IQCM: variants seen among roughly 807,000 people sequenced by gnomAD.
IQCM encodes IQ domain-containing protein M.
In IQCM, 45 loss-of-function variants were observed where a neutral mutation model predicts 57.6. The observed-to-expected ratio is 0.78, with a 90% confidence interval of 0.62 to 1.00. The LOEUF is 1.00. Ranked by LOEUF, IQCM falls within the 50% of genes least tolerant of loss-of-function variation. IQCM has a pLI of 0.00. For synonymous variants in IQCM, 148 were observed against 158.9 expected, an observed-to-expected ratio of 0.93 and a Z score of 0.51; for missense variants, 468 against 511.6, an observed-to-expected ratio of 0.91 and a Z score of 0.82.
intron 12 of IQCM, among the ~76,000 whole-genome samples, chr4:149,497,506 G>A (rs550981999): frequency 1.3e-5 from 2 of 152,158 alleles, no homozygotes; most frequent in African/African-American, 4.8e-5. Context: ...GACAAGAGAA[G>A]AGAGCTTGTG....
chr4:149,510,161 A>G (rs1475095521), intron 12 of IQCM, among the ~76,000 whole-genome samples: 2 of 152,126 alleles, frequency 1.3e-5, no homozygotes, highest in Non-Finnish European at 2.9e-5. Context: ...CCACTCTTTT[A>G]AATTTTTAAC....
At chr4:149,431,182 G>T (rs1005842454) in intron 13 of IQCM, among the ~76,000 whole-genome samples, 2 of 151,942 alleles carry the variant, frequency 1.3e-5, no homozygotes, top group Non-Finnish European at 2.9e-5. Flanking sequence ...TCCAGTCTGG[G>T]CTACAAAGTG....
intron 13 of IQCM, among the ~76,000 whole-genome samples, chr4:149,412,036 C>T (rs970045144): frequency 6.6e-6 from 1 of 151,166 alleles, no homozygotes; most frequent in Admixed American, 6.6e-5. Context: ...ACACGTATTT[C>T]TTAAAACATG....
At chr4:149,498,728 C>T (rs1391079727) in intron 12 of IQCM, among the ~76,000 whole-genome samples, 1 of 152,128 alleles carries the variant, frequency 6.6e-6, no homozygotes, top group Admixed American at 6.6e-5. Context: ...CTTCTTCCTA[C>T]TACTCCAATA....
intron 13 of IQCM, among the ~76,000 whole-genome samples, chr4:149,429,010 A>C (rs1734641404): frequency 6.6e-6 from 1 of 151,912 alleles, no homozygotes; most frequent in Admixed American, 6.6e-5. Context: ...TTGGGAAAGT[A>C]ATTTGATCAT....
At chr4:149,491,426 C>T (rs1023034027) in intron 12 of IQCM, among the ~76,000 whole-genome samples, 3 of 152,002 alleles carry the variant, frequency 2.0e-5, no homozygotes, top group Admixed American at 1.3e-4. Context: ...ACCCGCAACC[C>T]TCAGCCCCTG....
chr4:149,514,870 T>A (rs183692313), intron 12 of IQCM: 2 of 152,172 alleles, frequency 1.3e-5, no homozygotes, highest in Admixed American at 1.3e-4. Flanking sequence ...CAGAAAAATG[T>A]GAAAAGGCTA....
intron 11 of IQCM, among the ~76,000 whole-genome samples, chr4:149,552,654 G>A (rs1749147774): frequency 6.6e-6 from 1 of 152,076 alleles, no homozygotes; most frequent in Non-Finnish European, 1.5e-5. Context: ...CACAGTTTCT[G>A]TGCAACTCTC....
chr4:149,528,992 A>G (rs1054890663), intron 12 of IQCM, among the ~76,000 whole-genome samples: 1 of 152,146 alleles, frequency 6.6e-6, no homozygotes, highest in Non-Finnish European at 1.5e-5. Flanking sequence ...AAGCAAAAGT[A>G]AAGGAATTGA....
chr4:149,393,314 C>T (rs1462890404), intron 13 of IQCM, among the ~76,000 whole-genome samples: 1 of 151,338 alleles, frequency 6.6e-6, no homozygotes, highest in African/African-American at 2.4e-5. Context: ...AAAATAGATA[C>T]TGTTGAGGAG....
chr4:149,762,743 A>G (rs750698365), intron 2 of IQCM, among the ~76,000 whole-genome samples: 1 of 152,110 alleles, frequency 6.6e-6, no homozygotes, highest in Non-Finnish European at 1.5e-5. Context: ...TTAAAAGCCT[A>G]TTCAATTGTA....
chr4:149,551,735 A>T (rs1367384593), intron 11 of IQCM, among the ~76,000 whole-genome samples: 3 of 152,058 alleles, frequency 2.0e-5, no homozygotes, highest in Admixed American at 6.6e-5. Flanking sequence ...AAATACTAAG[A>T]TCTTCCTGAA....
chr4:149,452,019 G>A (rs1737172009), intron 12 of IQCM, among the ~76,000 whole-genome samples: 1 of 151,680 alleles, frequency 6.6e-6, no homozygotes, highest in Non-Finnish European at 1.5e-5. Context: ...TAGTCAGCTT[G>A]CAGATTACAA....
chr4:149,693,652 T>C (rs190546147), intron 5 of IQCM, among the ~76,000 whole-genome samples: 28 of 152,328 alleles, frequency 1.8e-4, no homozygotes, highest in Admixed American at 1.8e-3. Flanking sequence ...ATTTCCAAAT[T>C]ATGGAATTTT....
rs369203221 is a variant in IQCM, at chr4:149,791,154, T to C, written c.-49+24157A>G. 2.6e-5 allele frequency among the ~76,000 whole-genome samples: 4 copies of C among 152,306 alleles called. No homozygotes were observed. The South Asian group carries it at 6.2e-4, about 24-fold the overall frequency. ...TCCAATAAAAGGATTAATAGTGACA[T>C]GTATGCTTCATATTTCATTAACATA... On this transcript the variant is annotated intron_variant, in intron 2 of 13. Coordinates refer to ENST00000636793, the MANE Select transcript of IQCM (RefSeq NM_001363507.2).
chr4:149,628,560 A>G (rs1757002579), intron 7 of IQCM, among the ~76,000 whole-genome samples: 1 of 152,152 alleles, frequency 6.6e-6, no homozygotes, highest in Non-Finnish European at 1.5e-5. Context: ...AGCACAAAAA[A>G]TAAATATCCA....
intron 13 of IQCM, among the ~76,000 whole-genome samples, chr4:149,375,260 C>G (rs770474854): frequency 5.3e-5 from 8 of 152,078 alleles, no homozygotes; most frequent in African/African-American, 1.7e-4. Context: ...TTGTACCTGA[C>G]CGAAACTACA....
chr4:149,632,028 T>G (rs1445399870), intron 7 of IQCM, among the ~76,000 whole-genome samples: 1 of 152,208 alleles, frequency 6.6e-6, no homozygotes, highest in African/African-American at 2.4e-5. Flanking sequence ...GTTAACAGTT[T>G]AAAACCTAGG....
chr4:149,622,135 G>A (rs982242787), intron 7 of IQCM, among the ~76,000 whole-genome samples: 6 of 152,020 alleles, frequency 3.9e-5, no homozygotes, highest in African/African-American at 1.5e-4. Context: ...CTATGGGGAG[G>A]CAATGAAGTA....
Sources: allele counts gnomAD v4.1 joint callset (sites outside exome capture counted in the v4.1 genomes callset), GRCh38; gene constraint gnomAD v4.1.1; transcripts MANE v1.5; gene names NCBI Gene and HGNC (gene_info 2026-07-23, HGNC 2026-07-21).